The following PLA2G2C variants were observed in gnomAD, a reference collection of about 807,000 sequenced individuals.
PLA2G2C encodes the protein putative inactive group IIC secretory phospholipase A2.
Under a neutral mutation model 14.3 loss-of-function variants are expected in PLA2G2C, and 15 were observed. The ratio of observed to expected loss-of-function variants is 1.05; its 90% CI spans 0.70 to 1.62. The LOEUF is 1.62. Ranked by LOEUF, PLA2G2C falls within the 40% of genes most tolerant of loss-of-function variation. The pLI is 0.00. For missense variants in PLA2G2C, 162 were observed against 173.2 expected (o/e 0.94, Z 0.36); for synonymous variants, 79 against 67.7 (o/e 1.17, Z -0.82).
chr1:20,163,848 G>A lies in PLA2G2C; in HGVS notation c.*143C>T. 2.1e-6 allele frequency: 2 copies of A among 933,448 alleles called. No individual in the cohort carries two copies. Among genetic ancestry groups the A allele is most frequent in the Middle Eastern group, 2.5e-4 (1 of 3,998 alleles). The allele number at this position is 933,448 out of a possible 1,614,324, so 57.8% of individuals were successfully genotyped here. A position where few individuals can be genotyped will look rare whatever the true frequency, so the allele number is the denominator to read the frequency against. ...AGGGAGTCCCCTTGGTCAGAATGCT[G>A]AAGGGTGAGCTGCCCTGCGGGAGAC... On this transcript the variant is annotated 3_prime_UTR_variant, in exon 5 of 5. Transcript: ENST00000679259.
At chr1:20,184,021 A>G (rs1052030677) in intron 1 of PLA2G2C, among the ~76,000 whole-genome samples, 2 of 152,236 alleles carry the variant, frequency 1.3e-5, no homozygotes, top group African/African-American at 4.8e-5. Context: ...CAGCAGAGGC[A>G]CAGCAATGGA....
chr1:20,166,627 T>C (rs2017984827), intron 4 of PLA2G2C, among the ~76,000 whole-genome samples: 1 of 152,210 alleles, frequency 6.6e-6, no homozygotes, highest in Non-Finnish European at 1.5e-5. Flanking sequence ...CCCTCTCTCT[T>C]TCTGTTGGTC....
chr1:20,177,262 C>G, intron 2 of PLA2G2C, 62 bp downstream of exon 2: 2 of 700,244 alleles, frequency 2.9e-6, no homozygotes, highest in South Asian at 1.5e-5. Flanking sequence ...AGAGTCCCCC[C>G]TCCCACTGAC....
chr1:20,174,690 A>G (rs1244064046), intron 3 of PLA2G2C, among the ~76,000 whole-genome samples: 1 of 152,246 alleles, frequency 6.6e-6, no homozygotes, highest in Non-Finnish European at 1.5e-5. Context: ...TGGTGGCAGC[A>G]GAGCAGTAAA....
chr1:20,165,781 C>A (rs909160815), intron 4 of PLA2G2C, among the ~76,000 whole-genome samples: 5 of 151,922 alleles, frequency 3.3e-5, no homozygotes, highest in African/African-American at 1.2e-4. Context: ...TGTGCGTGCG[C>A]ATGTGTGTGC....
intron 4 of PLA2G2C, among the ~76,000 whole-genome samples, chr1:20,171,982 C>T (rs1394883522): frequency 1.5e-4 from 23 of 151,694 alleles, no homozygotes; most frequent in African/African-American, 5.6e-4. Flanking sequence ...CCAGGATGGT[C>T]TCGATCTCCT....
chr1:20,181,466 G>T (rs1223899442), intron 1 of PLA2G2C, among the ~76,000 whole-genome samples: 1 of 151,954 alleles, frequency 6.6e-6, no homozygotes, highest in African/African-American at 2.4e-5. Context: ...CAAACTGAGA[G>T]GTCCCAGACT....
chr1:20,174,311 C>G (rs1289649157), intron 3 of PLA2G2C, among the ~76,000 whole-genome samples: 17 of 152,216 alleles, frequency 1.1e-4, no homozygotes. Flanking sequence ...GACACGCAAA[C>G]TGTCCCGTTT....
At chr1:20,176,533 T>C (rs1403106267) in intron 2 of PLA2G2C, among the ~76,000 whole-genome samples, 1 of 152,160 alleles carries the variant, frequency 6.6e-6, no homozygotes, top group Non-Finnish European at 1.5e-5. Context: ...AACGGGGGTG[T>C]GGCGGAAGAA....
intron 4 of PLA2G2C, among the ~76,000 whole-genome samples, chr1:20,166,175 G>C (rs904356350): frequency 6.6e-6 from 1 of 152,176 alleles, no homozygotes; most frequent in African/African-American, 2.4e-5. Context: ...GCGCCCTGTG[G>C]AGCCGGCAGA....
intron 4 of PLA2G2C, 59 bp downstream of exon 4, chr1:20,172,735 G>T: frequency 7.2e-7 from 1 of 1,393,932 alleles, no homozygotes; most frequent in Non-Finnish European, 1.0e-6. Context: ...CAAAGAGGAG[G>T]TGAACGTTAA....
chr1:20,178,290 C>G (rs1001942218), intron 1 of PLA2G2C, among the ~76,000 whole-genome samples: 7 of 152,170 alleles, frequency 4.6e-5, no homozygotes, highest in Non-Finnish European at 8.8e-5. Context: ...TAGCCCCCAT[C>G]ATAAATCAGG....
intron 3 of PLA2G2C, 41 bp from the exon 4 acceptor site, chr1:20,172,938 C>A: frequency 6.6e-7 from 1 of 1,514,784 alleles, no homozygotes; most frequent in Non-Finnish European, 9.1e-7. Flanking sequence ...AGGACCTTAT[C>A]TGGGGACTAG....
intron 1 of PLA2G2C, among the ~76,000 whole-genome samples, chr1:20,179,316 T>G (rs2018239021): frequency 2.0e-5 from 3 of 148,854 alleles, no homozygotes; most frequent in South Asian, 2.2e-4. Context: ...GCGTGCTAGC[T>G]TGTTCCTCTG....
chr1:20,179,280 C>CTG (rs377415961), intron 1 of PLA2G2C, among the ~76,000 whole-genome samples: 21 of 149,686 alleles, frequency 1.4e-4, no homozygotes, highest in African/African-American at 3.0e-4. Flanking sequence ...ATGTCAGTTT[C>CTG]TGTGTGTGTG....
rs1557788784 is a variant in PLA2G2C, at chr1:20,177,316, CTACT to C, written c.40+4_40+7del. ...GCTTGGTGCTGACCCACCAAGCTCT[CTACT>C]TACAGCAGAAGAGGAGGAGGGTGAG... is the stretch of plus-strand genomic sequence containing the variant. On this transcript the variant is annotated splice_donor_5th_base_variant and intron_variant, in intron 2 of 4. Coordinates refer to ENST00000679259, the MANE Select transcript of PLA2G2C (RefSeq NM_001367969.2). 1.4e-6 allele frequency: 1 copy of C among 700,786 alleles called. No individual in the cohort carries two copies. 43.4% of individuals were successfully genotyped at this position (700,786 alleles called of 1,614,324 possible). A position where few individuals can be genotyped will look rare whatever the true frequency, so the allele number is the denominator to read the frequency against.
intron 2 of PLA2G2C, among the ~76,000 whole-genome samples, chr1:20,175,618 A>T (rs2100720771): frequency 6.6e-6 from 1 of 152,348 alleles, no homozygotes; most frequent in East Asian, 1.9e-4. Context: ...ACAAGTACAC[A>T]TGAACTCAGC....
rs574545068 is a variant in PLA2G2C at position 20,175,002 on chromosome 1, C to A, written c.179+5G>T. On this transcript the variant is annotated splice_donor_5th_base_variant and intron_variant, in intron 3 of 4. Transcript: ENST00000679259. ...GATAAGTGGCCTTAGAGCCTCTGCACCCACCTGTCAGTGTCATCCACGGGG... is the reference window on the plus strand; with the variant it reads ...GATAAGTGGCCTTAGAGCCTCTGCAACCACCTGTCAGTGTCATCCACGGGG... 5.2e-5 allele frequency: 84 copies of A among 1,612,056 alleles called. No homozygotes were observed. Among genetic ancestry groups the A allele is most frequent in the Non-Finnish European group, 6.4e-5 (76 of 1,178,962 alleles).
chr1:20,175,157 G>A lies in PLA2G2C; in HGVS notation c.41-12C>T, dbSNP rs1227621450. 12 of 1,612,778 alleles carry A rather than the reference G, an allele frequency of 7.4e-6. No homozygotes were observed. The highest frequency in any genetic ancestry group is 4.5e-5 in the East Asian group (2 of 44,876). ...GCTGTGGGTGGGGGCTGCCACCACC[G>A]ATGAGAAAAAAAGGAAGAAGGAAGT... On this transcript the variant is annotated splice_polypyrimidine_tract_variant and intron_variant, in intron 2 of 4. Transcript: ENST00000679259.
Sources: gnomAD v4.1 joint callset for allele counts (sites outside exome capture counted in the v4.1 genomes callset) on GRCh38, gnomAD v4.1.1 for gene constraint, MANE v1.5 for transcripts, NCBI Gene and HGNC (gene_info 2026-07-23, HGNC 2026-07-21) for gene names.